Variants in GABRB2 observed in about 807,000 individuals in gnomAD.
The protein encoded by GABRB2 is gamma-aminobutyric acid receptor subunit beta-2.
Under a neutral mutation model 54.7 loss-of-function variants are expected in GABRB2, and 16 were observed. That is an observed-to-expected ratio of 0.29 (90% CI 0.20 to 0.44). The LOEUF (loss-of-function observed/expected upper bound fraction) is 0.44. GABRB2 is among the 20% of genes least tolerant of loss of function. The pLI, the probability that GABRB2 is intolerant of heterozygous loss-of-function variation, is 1.00. For synonymous variants in GABRB2, 244 were observed against 233.8 expected, an observed-to-expected ratio of 1.04 and a Z score of -0.40; for missense variants, 355 against 644.0, an observed-to-expected ratio of 0.55 and a Z score of 4.86.
intron 4 of GABRB2, among the ~76,000 whole-genome samples, chr5:161,430,660 G>C (rs1226732726): frequency 1.3e-5 from 2 of 152,032 alleles, no homozygotes; most frequent in Admixed American, 6.6e-5. Context: ...CATGAAACTT[G>C]GTTTAAAAAC....
intron 3 of GABRB2, among the ~76,000 whole-genome samples, chr5:161,469,019 T>C (rs954045167): frequency 1.3e-5 from 2 of 151,904 alleles, no homozygotes; most frequent in Non-Finnish European, 2.9e-5. Context: ...TTGAGAAGAC[T>C]ACAAAACAAT....
At chr5:161,343,989 G>C (rs1754245542) in intron 5 of GABRB2, among the ~76,000 whole-genome samples, 1 of 152,086 alleles carries the variant, frequency 6.6e-6, no homozygotes, top group South Asian at 2.1e-4. Context: ...GTGAAGTTCT[G>C]ATAAACTCCC....
intron 3 of GABRB2, among the ~76,000 whole-genome samples, chr5:161,544,272 A>G (rs1422751375): frequency 1.3e-5 from 2 of 152,218 alleles, no homozygotes; most frequent in African/African-American, 4.8e-5. Flanking sequence ...GTGTACTATC[A>G]GGACTGAAAG....
At chr5:161,417,292 C>T (rs1406816672) in intron 4 of GABRB2, among the ~76,000 whole-genome samples, 2 of 152,238 alleles carry the variant, frequency 1.3e-5, no homozygotes, top group Non-Finnish European at 2.9e-5. Context: ...TGATCACTTA[C>T]TATGTTCACG....
chr5:161,326,904 A>G (rs996741675), intron 8 of GABRB2: 1 of 736,910 alleles, frequency 1.4e-6, no homozygotes, highest in Non-Finnish European at 1.7e-6. Flanking sequence ...TGATTCTCAA[A>G]TATGCGTGTT....
At chr5:161,450,812 A>G (rs1757768998) in intron 4 of GABRB2, among the ~76,000 whole-genome samples, 1 of 152,138 alleles carries the variant, frequency 6.6e-6, no homozygotes, top group Non-Finnish European at 1.5e-5. Context: ...TAAAAAGGTA[A>G]TTGCAGTTCT....
At chr5:161,296,225 A>G (rs1263608831) in intron 9 of GABRB2, among the ~76,000 whole-genome samples, 1 of 152,200 alleles carries the variant, frequency 6.6e-6, no homozygotes, top group Non-Finnish European at 1.5e-5. Flanking sequence ...CCTGATGGAA[A>G]TGGGACACCT....
intron 3 of GABRB2, among the ~76,000 whole-genome samples, chr5:161,468,128 T>C (rs1758330067): frequency 6.6e-6 from 1 of 152,114 alleles, no homozygotes; most frequent in Non-Finnish European, 1.5e-5. Context: ...GTAATGCCAT[T>C]GTTACTATCT....
intron 5 of GABRB2, among the ~76,000 whole-genome samples, chr5:161,363,254 C>T (rs1754871494): frequency 6.6e-6 from 1 of 152,144 alleles, no homozygotes; most frequent in Non-Finnish European, 1.5e-5. Context: ...TGGAAACCAT[C>T]ATTTTCAGCA....
At chr5:161,503,154 G>A (rs2113383129) in intron 3 of GABRB2, among the ~76,000 whole-genome samples, 1 of 151,278 alleles carries the variant, frequency 6.6e-6, no homozygotes, top group Admixed American at 6.6e-5. Context: ...CAGAAATTTT[G>A]GTATTCTTAG....
At chr5:161,487,915 T>C (rs1164770254) in intron 3 of GABRB2, among the ~76,000 whole-genome samples, 2 of 151,724 alleles carry the variant, frequency 1.3e-5, no homozygotes, top group African/African-American at 4.8e-5. Flanking sequence ...TTCCTAACAC[T>C]GAAAAGCTAT....
chr5:161,345,099 C>T (rs774491267), intron 5 of GABRB2, among the ~76,000 whole-genome samples: 19 of 151,770 alleles, frequency 1.3e-4, no homozygotes, highest in Non-Finnish European at 1.8e-4. Flanking sequence ...TGTTGATGAC[C>T]GGTTGATGGG....
At chr5:161,305,995 A>G (rs1425614614) in intron 9 of GABRB2, among the ~76,000 whole-genome samples, 1 of 152,226 alleles carries the variant, frequency 6.6e-6, no homozygotes, top group African/African-American at 2.4e-5. Flanking sequence ...TGAGTAGTAA[A>G]TGTGAAAGTG....
At chr5:161,470,312 C>T (rs956967139) in intron 3 of GABRB2, among the ~76,000 whole-genome samples, 2 of 151,836 alleles carry the variant, frequency 1.3e-5, no homozygotes, top group African/African-American at 2.4e-5. Context: ...ATGAGGGACA[C>T]GTATCAAGAC....
intron 5 of GABRB2, among the ~76,000 whole-genome samples, chr5:161,362,081 A>T (rs556643536): frequency 6.6e-4 from 101 of 152,104 alleles, no homozygotes; most frequent in African/African-American, 2.4e-3. Flanking sequence ...AGATCAGATG[A>T]CTGTAGATGT....
chr5:161,305,333 A>G (rs1053009337), intron 9 of GABRB2, among the ~76,000 whole-genome samples: 4 of 152,218 alleles, frequency 2.6e-5, no homozygotes, highest in African/African-American at 7.2e-5. Context: ...CAATTTTAAT[A>G]GACATTTCTT....
intron 5 of GABRB2, among the ~76,000 whole-genome samples, chr5:161,375,129 C>A (rs1353184717): frequency 6.6e-6 from 1 of 152,126 alleles, no homozygotes; most frequent in African/African-American, 2.4e-5. Context: ...TCCTAGTCGT[C>A]TTCCAGGGCT....
chr5:161,420,691 T>C (rs1458283687), intron 4 of GABRB2, among the ~76,000 whole-genome samples: 2 of 152,252 alleles, frequency 1.3e-5, no homozygotes, highest in African/African-American at 4.8e-5. Context: ...CTGGGGATTC[T>C]ATCTCTGGGA....
chr5:161,491,233 A>C (rs35227781), intron 3 of GABRB2, among the ~76,000 whole-genome samples: 2,367 of 151,780 alleles, frequency 0.016, 29 homozygotes, highest in East Asian at 0.024. Flanking sequence ...TTTATAGTAA[A>C]AAATTGTTGC....
Sources: allele counts gnomAD v4.1 joint callset (sites outside exome capture counted in the v4.1 genomes callset), GRCh38; gene constraint gnomAD v4.1.1; transcripts MANE v1.5; gene names NCBI Gene and HGNC (gene_info 2026-07-23, HGNC 2026-07-21).